The following NKD1 variants were observed in gnomAD, a reference collection of about 807,000 sequenced individuals.
The protein encoded by NKD1 is protein naked cuticle homolog 1.
In NKD1, 21 loss-of-function variants were observed where a neutral mutation model predicts 56.0. The observed-to-expected ratio is 0.38, with a 90% CI of 0.27 to 0.54. The LOEUF (loss-of-function observed/expected upper bound fraction) is 0.54. Among genes scored for constraint, NKD1 ranks in the 20% least tolerant of loss-of-function variants. NKD1 has a pLI of 0.82. For missense variants in NKD1, 578 were observed against 642.7 expected (o/e 0.90, Z 1.09); for synonymous variants, 263 against 265.7 (o/e 0.99, Z 0.10).
intron 3 of NKD1, among the ~76,000 whole-genome samples, chr16:50,585,077 G>T (rs190580703): frequency 1.1e-4 from 16 of 152,326 alleles, no homozygotes; most frequent in African/African-American, 3.6e-4. Context: ...GAACAGAGAG[G>T]ATTCTTTTTT....
chr16:50,577,625 T>A (rs1246086364), intron 3 of NKD1, among the ~76,000 whole-genome samples: 1 of 152,232 alleles, frequency 6.6e-6, no homozygotes, highest in Admixed American at 6.5e-5. Flanking sequence ...TTATCTTGCA[T>A]AACTGAAACT....
rs116109302 is a variant in NKD1 at position 50,630,865 on chromosome 16, C to T, written c.650C>T (p.Thr217Ile). 4.6e-4 allele frequency: 747 copies of T among 1,607,046 alleles called. 7 individuals carry two copies. The African/African-American group carries it at 8.2e-3, about 18-fold the overall frequency. Residue 217 changes from threonine (T) to isoleucine (I), a missense_variant, in exon 8 of 10, where the codon ACT becomes ATT. By Grantham distance (89) the Thr-to-Ile change is moderately conservative. Transcript: ENST00000268459. ...AGGCCCCGAGCAGAGACCAAGCCCA[C>T]TGAGGACCTGCGGAGCTGGGAGAAG... ...SARPRAETKP[T>I]EDLRSWEKKQ...
rs563994459 is a variant in NKD1, at chr16:50,596,784, A to G, written c.193-11510A>G. ...GTGGGAGAGGGGGCTGCAGTTTTAAATAAAGAGATTTGGGAAGACCTCACC... is the reference window on the plus strand; with the variant it reads ...GTGGGAGAGGGGGCTGCAGTTTTAAGTAAAGAGATTTGGGAAGACCTCACC... On this transcript the variant is annotated intron_variant, in intron 3 of 9. Coordinates refer to ENST00000268459, the MANE Select transcript of NKD1 (RefSeq NM_033119.5). Among the ~76,000 whole-genome samples, 5 of 152,356 alleles carry G rather than the reference A, an allele frequency of 3.3e-5. No homozygotes were observed. The East Asian group carries it at 9.6e-4, about 29-fold the overall frequency.
chr16:50,621,631 C>G lies in NKD1; in HGVS notation c.289C>G (p.Leu97Val), dbSNP rs1167287859. 6.2e-7 allele frequency: 1 copy of G among 1,613,890 alleles called. No individual in the cohort carries two copies. The change falls in exon 5 of 10, where the codon CTG becomes GTG. Residue 97 changes from leucine to valine, a missense_variant. Coordinates refer to ENST00000268459, the MANE Select transcript of NKD1 (RefSeq NM_033119.5). ...CCTGCCTCCTGAGAAGACTGACGGG[C>G]TGGGCAGCGGAGATGAGAAGAAGAT... ...VALPPEKTDG[L>V]GSGDEKKMER...
At chr16:50,569,943 C>T (rs774567803) in intron 3 of NKD1, among the ~76,000 whole-genome samples, 9 of 152,228 alleles carry the variant, frequency 5.9e-5, no homozygotes, top group South Asian at 4.2e-4. Context: ...TGGTTGGAGC[C>T]GGGCGGGCAC....
chr16:50,583,696 C>T (rs1961167470), intron 3 of NKD1, among the ~76,000 whole-genome samples: 1 of 152,156 alleles, frequency 6.6e-6, no homozygotes, highest in Non-Finnish European at 1.5e-5. Flanking sequence ...AAGAAAGATG[C>T]CGTGTCCCCT....
rs1385678762 is a variant in NKD1, at chr16:50,598,266, C to T, written c.193-10028C>T. On this transcript the variant is annotated intron_variant, in intron 3 of 9. Coordinates refer to ENST00000268459, the MANE Select transcript of NKD1 (RefSeq NM_033119.5). The surrounding 1 kb of genome is among the most constrained non-coding windows in gnomAD (Gnocchi z 4.2). ...GTGTGTGTGTGTGTGTGTGTGTGCG[C>T]GCACACCTGTGCTCATGGACACTCT... 4.5e-5 allele frequency among the ~76,000 whole-genome samples: 6 copies of T among 133,852 alleles called. No homozygotes were observed. Among genetic ancestry groups the T allele is most frequent in the Admixed American group, 1.4e-4 (2 of 14,162 alleles). 87.8% of individuals were successfully genotyped at this position (133,852 alleles called of 152,430 possible).
intron 3 of NKD1, among the ~76,000 whole-genome samples, chr16:50,585,805 A>C (rs111452077): frequency 6.6e-6 from 1 of 152,328 alleles, no homozygotes; most frequent in South Asian, 2.1e-4. Context: ...GATAACAGCT[A>C]GCATTGAACA....
intron 3 of NKD1, among the ~76,000 whole-genome samples, chr16:50,561,897 G>A (rs2151264047): frequency 6.6e-6 from 1 of 152,166 alleles, no homozygotes; most frequent in East Asian, 1.9e-4. Flanking sequence ...TTATAGAAAA[G>A]GACTGAGACG....
chr16:50,592,731 G>A lies in NKD1; in HGVS notation c.193-15563G>A, dbSNP rs79331690. On this transcript the variant is annotated intron_variant, in intron 3 of 9. Transcript: ENST00000268459. ...CTGGAAGAATGAATTAGGAGGCAGCGAGAAGCAGCGAGTAGGGGAGCATCC... is the reference window on the plus strand; with the variant it reads ...CTGGAAGAATGAATTAGGAGGCAGCAAGAAGCAGCGAGTAGGGGAGCATCC... Among the ~76,000 whole-genome samples, 933 of 151,650 alleles carry A rather than the reference G, an allele frequency of 6.2e-3. 6 individuals carry two copies. Among genetic ancestry groups the A allele is most frequent in the African/African-American group, 0.021 (877 of 41,340 alleles).
intron 3 of NKD1, among the ~76,000 whole-genome samples, chr16:50,599,002 C>T (rs1049860633): frequency 9.3e-5 from 14 of 151,108 alleles, no homozygotes; most frequent in African/African-American, 2.4e-4. Context: ...GTGGGAAGGC[C>T]GTGTGTGTGT....
intron 6 of NKD1, among the ~76,000 whole-genome samples, chr16:50,628,053 T>A (rs1962262194): frequency 6.6e-6 from 1 of 151,888 alleles, no homozygotes. Context: ...AGAAGTGGGA[T>A]CCCTCCCCGA....
chr16:50,617,058 C>T (rs1686833320), intron 4 of NKD1, among the ~76,000 whole-genome samples: 1 of 152,208 alleles, frequency 6.6e-6, no homozygotes. Flanking sequence ...TTGGGTGGCG[C>T]CAGCTGTCAG....
chr16:50,592,355 G>T (rs1449906657), intron 3 of NKD1, among the ~76,000 whole-genome samples: 2 of 152,196 alleles, frequency 1.3e-5, no homozygotes, highest in Non-Finnish European at 1.5e-5. Context: ...CCTGCCCCAT[G>T]CCCTCCCCAC....
chr16:50,558,575 T>A (rs1791526660), intron 3 of NKD1: 1 of 151,818 alleles, frequency 6.6e-6, no homozygotes, highest in African/African-American at 2.4e-5. Context: ...GAGAGCAATG[T>A]GGGAGGCACA....
At chr16:50,627,034 C>A (rs1356548511) in intron 6 of NKD1, among the ~76,000 whole-genome samples, 3 of 152,130 alleles carry the variant, frequency 2.0e-5, no homozygotes, top group Admixed American at 6.5e-5. Context: ...TCACCTCCTC[C>A]TCAGGCTGTG....
Position 50,609,513 on chromosome 16 carries a change from C to T in NKD1, c.259+1153C>T, listed in dbSNP as rs180761214. 1.4e-4 allele frequency among the ~76,000 whole-genome samples: 21 copies of T among 152,202 alleles called. No individual in the cohort carries two copies. The East Asian group carries it at 3.9e-3, about 28-fold the overall frequency. On this transcript the variant is annotated intron_variant, in intron 4 of 9. Transcript: ENST00000268459. ...GTCTGCGGAGGGGGATCTAGCCCTG[C>T]AGGGGTCTGAAGGGCCACAAGAGGA...
Position 50,632,501 on chromosome 16 carries a change from C to T in NKD1, c.823+93C>T, listed in dbSNP as rs1290410948. ...GTGCGGGTGGTGTTCACTGCTACCCCAGGCTTCGGTAAGACAACTATTATG... is the reference window on the plus strand; with the variant it reads ...GTGCGGGTGGTGTTCACTGCTACCCTAGGCTTCGGTAAGACAACTATTATG... On this transcript the variant is annotated intron_variant, in intron 9 of 9. Transcript: ENST00000268459. This position sits in a 1 kb window ranked among gnomAD's most constrained non-coding sequence, Gnocchi z 4.1. 6 of 1,263,428 alleles carry T rather than the reference C, an allele frequency of 4.7e-6. No individual in the cohort carries two copies. The Admixed American group carries it at 5.6e-5, about 12-fold the overall frequency. The allele number at this position is 1,263,428 out of a possible 1,614,324, so 78.3% of individuals were successfully genotyped here. A position where few individuals can be genotyped will look rare whatever the true frequency, so the allele number is the denominator to read the frequency against.
chr16:50,564,074 G>C (rs2151264767), intron 3 of NKD1, among the ~76,000 whole-genome samples: 1 of 152,394 alleles, frequency 6.6e-6, no homozygotes, highest in African/African-American at 2.4e-5. Context: ...TGGAAAGAAA[G>C]CTCTCCCCCA....
Sources: allele counts gnomAD v4.1 joint callset (sites outside exome capture counted in the v4.1 genomes callset), GRCh38; gene constraint gnomAD v4.1.1; non-coding constraint Gnocchi (gnomAD v3.1); transcripts MANE v1.5; gene names NCBI Gene and HGNC (gene_info 2026-07-23, HGNC 2026-07-21).